The following GBF1 variants were observed in gnomAD, a reference collection of about 807,000 sequenced individuals.
GBF1 encodes golgi brefeldin A resistant guanine nucleotide exchange factor 1, also known as Golgi-specific brefeldin A-resistance guanine nucleotide exchange factor 1.
A neutral mutation model predicts 210.5 loss-of-function variants in GBF1; 114 were observed. The ratio of observed to expected loss-of-function variants is 0.54; its 90% confidence interval spans 0.47 to 0.63. The LOEUF is 0.63. Among genes scored for constraint, GBF1 ranks in the 30% least tolerant of loss-of-function variants. The pLI is 0.00. For missense variants in GBF1, 1,851 were observed against 2,357.7 expected (o/e 0.79, Z 4.45); for synonymous variants, 850 against 889.2 (o/e 0.96, Z 0.78).
Position 102,344,078 on chromosome 10 carries a change from T to G in GBF1, c.191T>G (p.Phe64Cys). 6.2e-7 allele frequency: 1 copy of G among 1,612,496 alleles called. No homozygotes were observed. The highest frequency in any genetic ancestry group is 8.5e-7 in the Non-Finnish European group (1 of 1,178,500). ...CTCTCAGAAATTGAGCCCAATGTATTCCTTCGACCTTTTCTGGAAGTGATT... is the reference window on the plus strand; with the variant it reads ...CTCTCAGAAATTGAGCCCAATGTATGCCTTCGACCTTTTCTGGAAGTGATT... ...TELSEIEPNV[F>C]LRPFLEVIRS... Residue 64 changes from phenylalanine (F) to cysteine (C), a missense_variant, in exon 4 of 40, where the codon TTC (phenylalanine) becomes TGC (cysteine). Physicochemically the swap from Phe to Cys is radical, Grantham distance 205. Around this residue, in one of 3 missense-constraint regions of GBF1, gnomAD observed 804 missense variants for 958.6 expected, o/e 0.84. Coordinates refer to ENST00000369983, the MANE Select transcript of GBF1 (RefSeq NM_001377137.1).
chr10:102,334,620 G>A lies in GBF1; in HGVS notation c.164-9431G>A, dbSNP rs1333248637. On this transcript the variant is annotated intron_variant, in intron 3 of 39. Transcript: ENST00000369983. ...TCCCAGCACTTTGGGAGGCCGAGGC[G>A]GGCACATCACGAGGTCAGGAGATCG... Among the ~76,000 whole-genome samples, 7 of 152,072 alleles carry A rather than the reference G, an allele frequency of 4.6e-5. No individual in the cohort carries two copies. The South Asian group carries it at 6.2e-4, about 14-fold the overall frequency.
At chr10:102,257,431 C>A (rs2072564119) in intron 1 of GBF1, among the ~76,000 whole-genome samples, 2 of 152,156 alleles carry the variant, frequency 1.3e-5, no homozygotes, top group South Asian at 4.1e-4. Flanking sequence ...GCCTCAGCCT[C>A]CCCAGTAACT....
At chr10:102,285,279 A>G (rs1418924985) in intron 3 of GBF1, among the ~76,000 whole-genome samples, 1 of 152,202 alleles carries the variant, frequency 6.6e-6, no homozygotes, top group Non-Finnish European at 1.5e-5. Flanking sequence ...GGACCAGGCA[A>G]TAGGCTAGGT....
intron 1 of GBF1, among the ~76,000 whole-genome samples, chr10:102,255,263 A>G (rs540439590): frequency 6.6e-6 from 1 of 150,862 alleles, no homozygotes; most frequent in East Asian, 1.9e-4. Context: ...CTGGTCTTGA[A>G]CTCCCAACCT....
In GBF1 at chr10:102,379,381, T is replaced by G. The variant is rs1256454889; in HGVS notation, c.4592T>G (p.Ile1531Ser). The change falls in exon 34 of 40, where the codon ATT becomes AGT. Residue 1531 changes from isoleucine to serine, a missense_variant. By Grantham distance (142) the Ile-to-Ser change is moderately radical. Around this residue, in one of 3 missense-constraint regions of GBF1, gnomAD observed 967 missense variants for 1,247.7 expected, o/e 0.78. Transcript: ENST00000369983. ...QRHLETGGQK[I>S]EADSRTLWAH... is the part of the protein sequence containing the mutation. Reference sequence around the variant, plus strand: ...CACCTGGAGACAGGTGGCCAGAAGATTGAAGCTGATTCTCGCACCCTCTGG... The same window carrying G: ...CACCTGGAGACAGGTGGCCAGAAGAGTGAAGCTGATTCTCGCACCCTCTGG... 1.2e-5 allele frequency: 19 copies of G among 1,613,952 alleles called. No individual in the cohort carries two copies. The highest frequency in any genetic ancestry group is 1.6e-5 in the Non-Finnish European group (19 of 1,179,970).
rs956870605 is a variant in GBF1, at chr10:102,363,923, T to C, written c.2106+125T>C. 3 of 621,960 alleles carry C rather than the reference T, an allele frequency of 4.8e-6. No individual in the cohort carries two copies. The highest frequency in any genetic ancestry group is 3.7e-5 in the African/African-American group (2 of 54,038). 38.5% of individuals were successfully genotyped at this position (621,960 alleles called of 1,614,324 possible). A position where few individuals can be genotyped will look rare whatever the true frequency, so the allele number is the denominator to read the frequency against. ...TGTACAGCTTCCTGAGGCCAGTCTT[T>C]GGGCTTGTTGGGACTTCAGCAACTC... is the stretch of plus-strand genomic sequence containing the variant. On this transcript the variant is annotated intron_variant, in intron 17 of 39. Transcript: ENST00000369983. This position sits in a 1 kb window ranked among gnomAD's most constrained non-coding sequence, Gnocchi z 4.2.
intron 18 of GBF1, 40 bp downstream of exon 18, chr10:102,365,639 G>GA: frequency 2.0e-6 from 3 of 1,533,528 alleles, no homozygotes; most frequent in Non-Finnish European, 2.7e-6. Context: ...AGCCAGGTAT[G>GA]GTGGCTCATG....
chr10:102,307,063 A>G (rs1220535445), intron 3 of GBF1, among the ~76,000 whole-genome samples: 1 of 152,234 alleles, frequency 6.6e-6, no homozygotes, highest in African/African-American at 2.4e-5. Flanking sequence ...ATTATTTGAA[A>G]GGTGGAAAAG....
chr10:102,285,705 A>T (rs1462886320), intron 3 of GBF1, among the ~76,000 whole-genome samples: 3 of 152,168 alleles, frequency 2.0e-5, no homozygotes, highest in South Asian at 4.1e-4. Context: ...CTTCTTGTGA[A>T]AGGTGAAAAT....
chr10:102,289,941 C>G (rs1239347223), intron 3 of GBF1, among the ~76,000 whole-genome samples: 1 of 152,016 alleles, frequency 6.6e-6, no homozygotes, highest in African/African-American at 2.4e-5. Flanking sequence ...GGGACCCCGT[C>G]TGTACAAAAA....
Position 102,379,501 on chromosome 10 carries a change from G to A in GBF1, c.4646-20G>A, listed in dbSNP as rs1478746519. The A allele has an allele frequency of 6.2e-7, 1 of 1,614,104 alleles. No individual in the cohort carries two copies. Among genetic ancestry groups the A allele is most frequent in the East Asian group, 2.2e-5 (1 of 44,874 alleles). Reference sequence around the variant, plus strand: ...AGGATCAAGATGCCTGAAGGATCCTGACCCTGCTCTTGCTCTCAGGTATTG... The same window carrying A: ...AGGATCAAGATGCCTGAAGGATCCTAACCCTGCTCTTGCTCTCAGGTATTG... On this transcript the variant is annotated intron_variant, in intron 34 of 39. Coordinates refer to ENST00000369983, the MANE Select transcript of GBF1 (RefSeq NM_001377137.1).
At chr10:102,234,045 G>A in the GBF1 span, among the ~76,000 whole-genome samples, 1 of 152,206 alleles carries the variant, frequency 6.6e-6, no homozygotes, top group Admixed American at 6.5e-5. Flanking sequence ...AGTGGGAGGG[G>A]CCTCTCTGCC....
intron 3 of GBF1, among the ~76,000 whole-genome samples, chr10:102,333,998 A>C (rs2057536704): frequency 6.6e-6 from 1 of 152,206 alleles, no homozygotes; most frequent in Non-Finnish European, 1.5e-5. Context: ...GGGGTAAATG[A>C]ACTAATTTCT....
At chr10:102,277,620 C>G (rs2075105765) in intron 3 of GBF1, among the ~76,000 whole-genome samples, 1 of 152,156 alleles carries the variant, frequency 6.6e-6, no homozygotes, top group Non-Finnish European at 1.5e-5. Context: ...CACAGGTGAT[C>G]CGCCCACCTC....
At chr10:102,230,919 C>G in the GBF1 span, 1 of 1,612,210 alleles carries the variant, frequency 6.2e-7, no homozygotes, top group Non-Finnish European at 8.5e-7. Flanking sequence ...ATGGAAAGGT[C>G]TTGGCGGCGA....
intron 3 of GBF1, among the ~76,000 whole-genome samples, chr10:102,308,378 C>T (rs1358021116): frequency 6.6e-6 from 1 of 151,964 alleles, no homozygotes; most frequent in Admixed American, 6.6e-5. Context: ...GAAGCCAATC[C>T]ATACCCAAAA....
the GBF1 span, among the ~76,000 whole-genome samples, chr10:102,236,706 C>T: frequency 6.6e-6 from 1 of 152,208 alleles, no homozygotes; most frequent in African/African-American, 2.4e-5. Context: ...CCACTTAAGT[C>T]CTGAAGCCAG....
Position 102,382,163 on chromosome 10 carries a change from T to G in GBF1, c.5410T>G (p.Leu1804Val). 1 of 1,613,580 alleles carries G rather than the reference T, an allele frequency of 6.2e-7. No individual in the cohort carries two copies. Among genetic ancestry groups the G allele is most frequent in the Non-Finnish European group, 8.5e-7 (1 of 1,179,640 alleles). Residue 1804 changes from leucine (L) to valine (V), a missense_variant, in exon 40 of 40, where the codon TTG becomes GTG. Leu to Val is a conservative substitution (Grantham distance 32). Around this residue, in one of 3 missense-constraint regions of GBF1, gnomAD observed 967 missense variants for 1,247.7 expected, o/e 0.78. Coordinates refer to ENST00000369983, the MANE Select transcript of GBF1 (RefSeq NM_001377137.1). ...LSPTPDGPPP[L>V]AQPPLILQPL... is the part of the protein sequence containing the mutation. ...CCCCACCCCCGACGGGCCTCCACCC[T>G]TGGCTCAGCCCCCACTGATCCTGCA...
intron 3 of GBF1, among the ~76,000 whole-genome samples, chr10:102,322,813 A>G (rs918310162): frequency 6.6e-6 from 1 of 151,766 alleles, no homozygotes; most frequent in African/African-American, 2.4e-5. Flanking sequence ...AATAAGAGCC[A>G]GTTGTTTCAG....
Sources: allele counts gnomAD v4.1 joint callset (sites outside exome capture counted in the v4.1 genomes callset), GRCh38; gene constraint gnomAD v4.1.1; regional missense constraint gnomAD v4.1.1; non-coding constraint Gnocchi (gnomAD v3.1); transcripts MANE v1.5; gene names NCBI Gene and HGNC (gene_info 2026-07-23, HGNC 2026-07-21).